NCOA2: variants seen among roughly 807,000 people sequenced by gnomAD.
The protein encoded by NCOA2 is class E basic helix-loop-helix protein 75.
A neutral mutation model predicts 145.1 loss-of-function variants in NCOA2; 21 were observed. That is an observed-to-expected ratio of 0.14 (90% CI 0.10 to 0.21). The LOEUF (loss-of-function observed/expected upper bound fraction) is 0.21, where lower values mean the gene tolerates loss of function less well. Ranked by LOEUF, NCOA2 falls within the 10% of genes least tolerant of loss-of-function variation. The probability of loss-of-function intolerance (pLI) is 1.00; values close to 1 mark genes in which losing one functional copy is unlikely to be tolerated. For synonymous variants in NCOA2, 619 were observed against 637.5 expected (o/e 0.97, Z 0.44); for missense variants, 1,472 against 1,837.6 (o/e 0.80, Z 3.64).
intron 2 of NCOA2, among the ~76,000 whole-genome samples, chr8:70,221,584 A>G (rs1407764280): frequency 6.6e-6 from 1 of 152,204 alleles, no homozygotes; most frequent in African/African-American, 2.4e-5. Context: ...CAGTAAGATG[A>G]TACAGAAGAC....
intron 1 of NCOA2, chr8:70,402,165 A>G (rs190024167): frequency 3.3e-5 from 5 of 152,472 alleles, no homozygotes; most frequent in Admixed American, 3.3e-4. Context: ...TGGCTCACCG[A>G]CACCCGGCAG....
At chr8:70,431,215 A>G in the NCOA2 span, among the ~76,000 whole-genome samples, 1 of 151,924 alleles carries the variant, frequency 6.6e-6, no homozygotes, top group Non-Finnish European at 1.5e-5. Context: ...TAAATATTTT[A>G]TTATGTATAA....
At chr8:70,134,514 G>A (rs140656771) in intron 15 of NCOA2, among the ~76,000 whole-genome samples, 5 of 152,206 alleles carry the variant, frequency 3.3e-5, no homozygotes, top group African/African-American at 1.2e-4. Context: ...CAACCCTCCC[G>A]TCCCAGATGT....
intron 2 of NCOA2, among the ~76,000 whole-genome samples, chr8:70,243,065 A>G (rs1822286059): frequency 6.6e-6 from 1 of 152,096 alleles, no homozygotes; most frequent in Non-Finnish European, 1.5e-5. Context: ...CCCAACCTCT[A>G]AAAGTAAATA....
chr8:70,225,123 T>C (rs1820501711), intron 2 of NCOA2, among the ~76,000 whole-genome samples: 1 of 152,234 alleles, frequency 6.6e-6, no homozygotes, highest in Non-Finnish European at 1.5e-5. Context: ...TTCTAGTTAT[T>C]GGAGAATATA....
At chr8:70,263,303 T>C (rs1824292886) in intron 2 of NCOA2, among the ~76,000 whole-genome samples, 1 of 150,624 alleles carries the variant, frequency 6.6e-6, no homozygotes, top group Non-Finnish European at 1.5e-5. Context: ...GGAAATTTCA[T>C]CACAATGCCC....
chr8:70,116,622 T>C (rs1167785066), intron 22 of NCOA2, among the ~76,000 whole-genome samples: 1 of 152,146 alleles, frequency 6.6e-6, no homozygotes, highest in Non-Finnish European at 1.5e-5. Flanking sequence ...CACGGGATGA[T>C]GACTGAACCC....
chr8:70,348,636 T>C (rs1036892475), intron 1 of NCOA2, among the ~76,000 whole-genome samples: 5 of 152,136 alleles, frequency 3.3e-5, no homozygotes, highest in African/African-American at 1.2e-4. Flanking sequence ...AGCAGTAGAA[T>C]GTACAGCTTT....
At chr8:70,442,837 C>T in the NCOA2 span, among the ~76,000 whole-genome samples, 10 of 152,094 alleles carry the variant, frequency 6.6e-5, no homozygotes, top group Non-Finnish European at 5.9e-5. Flanking sequence ...TCTTTTATAC[C>T]TCTTCTGAGC....
intron 22 of NCOA2, among the ~76,000 whole-genome samples, chr8:70,114,363 C>G (rs1458591173): frequency 6.6e-6 from 1 of 152,146 alleles, no homozygotes; most frequent in African/African-American, 2.4e-5. Context: ...CTGCTATGTG[C>G]TGATGATGTG....
chr8:70,401,365 GA>G (rs1467260834), intron 1 of NCOA2, among the ~76,000 whole-genome samples: 1 of 152,098 alleles, frequency 6.6e-6, no homozygotes, highest in Non-Finnish European at 1.5e-5. Context: ...TTATTTTTAA[GA>G]ATCTTTTGTG....
intron 1 of NCOA2, among the ~76,000 whole-genome samples, chr8:70,398,042 A>C (rs1563845935): frequency 6.6e-6 from 1 of 152,172 alleles, no homozygotes; most frequent in Non-Finnish European, 1.5e-5. Flanking sequence ...TCTGTAATGG[A>C]TGGTTTATAC....
At chr8:70,262,671 T>G (rs577949341) in intron 2 of NCOA2, among the ~76,000 whole-genome samples, 1 of 152,210 alleles carries the variant, frequency 6.6e-6, no homozygotes, top group South Asian at 2.1e-4. Context: ...ACACAAATGC[T>G]AAAAAAACAG....
intron 2 of NCOA2, among the ~76,000 whole-genome samples, chr8:70,217,649 T>A (rs575200602): frequency 6.6e-6 from 1 of 152,244 alleles, no homozygotes; most frequent in African/African-American, 2.4e-5. Flanking sequence ...AAAATCAGTG[T>A]GCTCGTCATC....
At chr8:70,455,378 A>G in the NCOA2 span, among the ~76,000 whole-genome samples, 3 of 152,366 alleles carry the variant, frequency 2.0e-5, no homozygotes, top group African/African-American at 7.2e-5. Flanking sequence ...AGCTTTACCA[A>G]ATAGTATTCT....
At chr8:70,198,439 T>C (rs769111888) in intron 4 of NCOA2, among the ~76,000 whole-genome samples, 1 of 152,164 alleles carries the variant, frequency 6.6e-6, no homozygotes, top group Non-Finnish European at 1.5e-5. Context: ...GGGCCTTGAA[T>C]ACCATGGGAA....
At chr8:70,166,451 G>C in intron 7 of NCOA2, 115 bp downstream of exon 7, 1 of 1,223,838 alleles carries the variant, frequency 8.2e-7, no homozygotes, top group Non-Finnish European at 1.2e-6. Flanking sequence ...AAATTGAAAA[G>C]AACAAAGATA....
chr8:70,342,774 TACACACACACACACACACACACACACAC>T lies in NCOA2; in HGVS notation c.-76-46002_-76-45975del, dbSNP rs370685018. On this transcript the variant is annotated intron_variant, in intron 1 of 22. Coordinates refer to ENST00000452400, the MANE Select transcript of NCOA2 (RefSeq NM_006540.4). ...TTACACACTTTTCTTCTTTTGCAAT[TACACACACACACACACACACACACACAC>T]ACACACACACACACACACATCCCTA... Among the ~76,000 whole-genome samples the T allele has an allele frequency of 3.3e-3, 411 of 124,128 alleles. 1 individual carries two copies. Among genetic ancestry groups the T allele is most frequent in the African/African-American group, 0.011 (369 of 32,632 alleles). 81.4% of individuals were successfully genotyped at this position (124,128 alleles called of 152,430 possible).
chr8:70,448,869 A>G, the NCOA2 span, among the ~76,000 whole-genome samples: 13 of 151,646 alleles, frequency 8.6e-5, no homozygotes, highest in East Asian at 2.1e-3. Flanking sequence ...CAGTGGTGCA[A>G]TCGCAGCTCA....
Sources: allele counts gnomAD v4.1 joint callset (sites outside exome capture counted in the v4.1 genomes callset), GRCh38; gene constraint gnomAD v4.1.1; transcripts MANE v1.5; gene names NCBI Gene and HGNC (gene_info 2026-07-23, HGNC 2026-07-21).